GRM5: variants seen among roughly 807,000 people sequenced by gnomAD.
GRM5 encodes the protein glutamate metabotropic receptor 5.
Under a neutral mutation model 83.1 loss-of-function variants are expected in GRM5, and 19 were observed. That is an observed-to-expected ratio of 0.23 (90% CI 0.16 to 0.34). The LOEUF (loss-of-function observed/expected upper bound fraction) is 0.34, where lower values mean the gene tolerates loss of function less well. Ranked by LOEUF, GRM5 falls within the 10% of genes least tolerant of loss-of-function variation. The pLI, the probability that GRM5 is intolerant of heterozygous loss-of-function variation, is 1.00. For synonymous variants in GRM5, 675 were observed against 633.6 expected, an observed-to-expected ratio of 1.07 and a Z score of -0.98; for missense variants, 1,160 against 1,588.3, an observed-to-expected ratio of 0.73 and a Z score of 4.58.
rs148382745 is a variant in GRM5 at position 88,898,139 on chromosome 11, G to A, written c.662-47984C>T. Among the ~76,000 whole-genome samples, 61 of 151,880 alleles carry A rather than the reference G, an allele frequency of 4.0e-4. 1 individual carries two copies. The East Asian group carries it at 0.01, about 25-fold the overall frequency. On this transcript the variant is annotated intron_variant, in intron 2 of 9. Transcript: ENST00000305447. Reference sequence around the variant, plus strand: ...AATCTTTGGTGTTCCTTGGCCTATGGATGCATCACTCCAATCCTCCATCTT... The same window carrying A: ...AATCTTTGGTGTTCCTTGGCCTATGAATGCATCACTCCAATCCTCCATCTT...
chr11:88,833,313 A>C (rs190678561), intron 3 of GRM5, among the ~76,000 whole-genome samples: 16 of 152,234 alleles, frequency 1.1e-4, no homozygotes, highest in Non-Finnish European at 1.8e-4. Flanking sequence ...AATTGCATGA[A>C]AAATTGGGCA....
intron 2 of GRM5, among the ~76,000 whole-genome samples, chr11:88,903,913 AT>A (rs962701535): frequency 6.6e-6 from 1 of 152,178 alleles, no homozygotes; most frequent in Non-Finnish European, 1.5e-5. Flanking sequence ...GATGTGACAG[AT>A]TTTTAGGGAT....
intron 8 of GRM5, among the ~76,000 whole-genome samples, chr11:88,537,743 C>T (rs188748561): frequency 6.6e-6 from 1 of 152,078 alleles, no homozygotes; most frequent in East Asian, 1.9e-4. Context: ...TTGTGGTCTC[C>T]GTGCGCAGAA....
At chr11:88,931,241 A>T (rs1358446595) in intron 2 of GRM5, among the ~76,000 whole-genome samples, 1 of 151,880 alleles carries the variant, frequency 6.6e-6, no homozygotes, top group Non-Finnish European at 1.5e-5. Context: ...AAAACACTTC[A>T]TCTTACTTAT....
rs117465262 is a variant in GRM5 at position 88,639,496 on chromosome 11, G to A, written c.1147+13672C>T. Among the ~76,000 whole-genome samples the A allele has an allele frequency of 5.9e-3, 894 of 152,196 alleles. 12 individuals carry two copies. The East Asian group carries it at 0.066, about 11-fold the overall frequency. ...TTGCTGCTGTTGTTATTTCAAGCAG[G>A]AGAGTAAATTCCATTTTTATTACTT... On this transcript the variant is annotated intron_variant, in intron 4 of 9. Coordinates refer to ENST00000305447, the MANE Select transcript of GRM5 (RefSeq NM_001143831.3).
At chr11:88,544,310 A>G (rs1942342437) in intron 8 of GRM5, among the ~76,000 whole-genome samples, 1 of 152,194 alleles carries the variant, frequency 6.6e-6, no homozygotes, top group Non-Finnish European at 1.5e-5. Context: ...CATAACATTC[A>G]CTGAGCAGAC....
chr11:88,565,540 G>C (rs1459491371), intron 8 of GRM5, among the ~76,000 whole-genome samples: 1 of 152,174 alleles, frequency 6.6e-6, no homozygotes, highest in South Asian at 2.1e-4. Flanking sequence ...TCTGTTTACA[G>C]ATAGGACTTG....
At chr11:88,915,368 A>G (rs1945571843) in intron 2 of GRM5, among the ~76,000 whole-genome samples, 1 of 152,110 alleles carries the variant, frequency 6.6e-6, no homozygotes, top group African/African-American at 2.4e-5. Flanking sequence ...AATGTGCGGC[A>G]TAAGTTTGAT....
intron 3 of GRM5, among the ~76,000 whole-genome samples, chr11:88,797,704 T>A (rs1417884876): frequency 6.6e-6 from 1 of 152,170 alleles, no homozygotes; most frequent in Non-Finnish European, 1.5e-5. Flanking sequence ...TTCTCTTACC[T>A]GTCACAATAT....
intron 3 of GRM5, among the ~76,000 whole-genome samples, chr11:88,681,656 C>T (rs1940494978): frequency 1.4e-5 from 2 of 139,696 alleles, no homozygotes; most frequent in Non-Finnish European, 3.0e-5. Flanking sequence ...ACTGCAACCT[C>T]CCCTCCTGGG....
At chr11:88,527,206 A>G (rs901838006) in intron 8 of GRM5, among the ~76,000 whole-genome samples, 2 of 152,238 alleles carry the variant, frequency 1.3e-5, no homozygotes, top group South Asian at 4.1e-4. Flanking sequence ...TTGATAGAAT[A>G]ATAAATTATT....
chr11:88,698,585 C>T (rs1025294661), intron 3 of GRM5, among the ~76,000 whole-genome samples: 2 of 152,130 alleles, frequency 1.3e-5, no homozygotes, highest in African/African-American at 2.4e-5. Context: ...AGCATGGGAT[C>T]TTATTCTCCA....
Position 88,508,430 on chromosome 11 carries a change from G to A in GRM5, c.*162C>T, listed in dbSNP as rs200575053. ...AAGATTTGTCGTCGGTTTCTTCGTCGGTTGTCATGAGATAGCACTACTGAT... is the reference window on the plus strand; with the variant it reads ...AAGATTTGTCGTCGGTTTCTTCGTCAGTTGTCATGAGATAGCACTACTGAT... On this transcript the variant is annotated 3_prime_UTR_variant, in exon 10 of 10. Transcript: ENST00000305447. This position sits in a 1 kb window ranked among gnomAD's most constrained non-coding sequence, Gnocchi z 4.2. The A allele has an allele frequency of 8.7e-5, 44 of 503,132 alleles. No homozygotes were observed. Among genetic ancestry groups the A allele is most frequent in the Middle Eastern group, 4.8e-4 (1 of 2,092 alleles). The allele number at this position is 503,132 out of a possible 1,614,324, so 31.2% of individuals were successfully genotyped here. A position where few individuals can be genotyped will look rare whatever the true frequency, so the allele number is the denominator to read the frequency against.
Position 88,647,028 on chromosome 11 carries a change from C to G in GRM5, c.1147+6140G>C, listed in dbSNP as rs80075470. 2.9e-4 allele frequency among the ~76,000 whole-genome samples: 44 copies of G among 152,124 alleles called. No individual in the cohort carries two copies. The East Asian group carries it at 8.3e-3, about 29-fold the overall frequency. Reference sequence around the variant, plus strand: ...CTCTGAGACTCTGGGTAGAATTCTTCCTAACTTCTGGTGATGACCGTCAAT... The same window carrying G: ...CTCTGAGACTCTGGGTAGAATTCTTGCTAACTTCTGGTGATGACCGTCAAT... On this transcript the variant is annotated intron_variant, in intron 4 of 9. Coordinates refer to ENST00000305447, the MANE Select transcript of GRM5 (RefSeq NM_001143831.3).
chr11:88,822,393 C>T (rs1222700843), intron 3 of GRM5, among the ~76,000 whole-genome samples: 1 of 152,050 alleles, frequency 6.6e-6, no homozygotes, highest in African/African-American at 2.4e-5. Context: ...GGATAATAAG[C>T]AATCATGCAA....
intron 3 of GRM5, among the ~76,000 whole-genome samples, chr11:88,665,162 T>TACACACACATACACACAC (rs1940007532): frequency 7.1e-6 from 1 of 140,910 alleles, no homozygotes. Flanking sequence ...TTAATTTATT[T>TACACACACATACACACAC]ACACACACAC....
chr11:88,655,672 T>G (rs1288680149), intron 3 of GRM5, among the ~76,000 whole-genome samples: 3 of 95,664 alleles, frequency 3.1e-5, no homozygotes, highest in East Asian at 5.6e-4. Context: ...ACTTTCTCTG[T>G]TTTTTTTTTT....
At chr11:88,744,285 T>C (rs1188695814) in intron 3 of GRM5, among the ~76,000 whole-genome samples, 1 of 152,182 alleles carries the variant, frequency 6.6e-6, no homozygotes, top group Non-Finnish European at 1.5e-5. Context: ...CGAGGCCTAA[T>C]AGCAATACAT....
intron 2 of GRM5, among the ~76,000 whole-genome samples, chr11:89,000,623 C>T (rs1293973593): frequency 6.6e-6 from 1 of 152,034 alleles, no homozygotes; most frequent in Non-Finnish European, 1.5e-5. Flanking sequence ...ACAAAGTTTT[C>T]ATGACTTTGG....
Sources: gnomAD v4.1 joint callset for allele counts (sites outside exome capture counted in the v4.1 genomes callset) on GRCh38, gnomAD v4.1.1 for gene constraint, Gnocchi (gnomAD v3.1) non-coding constraint, MANE v1.5 for transcripts, NCBI Gene and HGNC (gene_info 2026-07-23, HGNC 2026-07-21) for gene names.